Variants in ATM observed in about 807,000 individuals in gnomAD.
ATM encodes serine-protein kinase ATM.
A neutral mutation model predicts 387.0 loss-of-function variants in ATM; 308 were observed. The ratio of observed to expected loss-of-function variants is 0.80; its 90% confidence interval spans 0.73 to 0.87. The LOEUF is 0.87. ATM is among the 40% of genes least tolerant of loss of function. The pLI is 0.00. For missense variants in ATM, 3,312 were observed against 3,560.9 expected (o/e 0.93, Z 1.78); for synonymous variants, 1,156 against 1,187.3 (o/e 0.97, Z 0.54).
intron 37 of ATM, among the ~76,000 whole-genome samples, chr11:108,306,050 CT>C (rs2083673726): frequency 6.6e-6 from 1 of 152,182 alleles, no homozygotes; most frequent in African/African-American, 2.4e-5. Context: ...GTTGTGATTA[CT>C]CAGTTCTTCC....
chr11:108,267,760 A>G (rs918232389), intron 17 of ATM, among the ~76,000 whole-genome samples: 3 of 152,268 alleles, frequency 2.0e-5, no homozygotes, highest in South Asian at 2.1e-4. Context: ...GGGAGGCTGA[A>G]GCAGGAGAAC....
chr11:108,358,798 C>T (rs1461199752), intron 61 of ATM, among the ~76,000 whole-genome samples: 1 of 149,104 alleles, frequency 6.7e-6, no homozygotes, highest in Non-Finnish European at 1.5e-5. Flanking sequence ...GAAGGAAGCA[C>T]TAAACATGGA....
intron 61 of ATM, among the ~76,000 whole-genome samples, chr11:108,364,410 T>C (rs2091118231): frequency 6.6e-6 from 1 of 152,176 alleles, no homozygotes. Flanking sequence ...CTTTCTAAAA[T>C]TTACGACCTA....
At chr11:108,332,972 A>C (rs2086444202) in intron 53 of ATM, 72 bp downstream of exon 53, 2 of 1,530,158 alleles carry the variant, frequency 1.3e-6, no homozygotes, top group Non-Finnish European at 1.8e-6. Flanking sequence ...TTAGTTATAG[A>C]GCCTAATAAG....
At chr11:108,331,126 A>C (rs1391315549) in intron 50 of ATM, 20 of 1,049,746 alleles carry the variant, frequency 1.9e-5, no homozygotes, top group Non-Finnish European at 2.3e-5. Context: ...ACTTCTCAGG[A>C]ATCAAGATCA....
Position 108,326,096 on chromosome 11 carries a change from T to C in ATM, c.6846T>C (p.Asn2282=), listed in dbSNP as rs541718119. ...ERAIFQIKQY[N]SVSCGVSEWQ... ...CAATATTTCAAATTAAACAGTACAA[T>C]TCAGTTAGCTGTGGAGTCTCTGAGT... The change falls in exon 47 of 63, where the codon AAT becomes AAC. Residue 2282 remains asparagine (N), a synonymous_variant. Transcript: ENST00000675843. 2 of 1,614,130 alleles carry C rather than the reference T, an allele frequency of 1.2e-6. No homozygotes were observed. Among genetic ancestry groups the C allele is most frequent in the Admixed American group, 1.7e-5 (1 of 60,028 alleles).
rs768430443 is a variant in ATM, at chr11:108,257,512, C to G, written c.2282C>G (p.Thr761Ser). The G allele has an allele frequency of 1.9e-6, 3 of 1,613,562 alleles. No homozygotes were observed. In the South Asian group the frequency reaches 3.3e-5, roughly 18 times the overall value. ...SLMQCAGESI[T>S]LFKNKTNEEF... Reference sequence around the variant, plus strand: ...ATGCAATGTGCAGGAGAAAGTATCACTCTGTTTAAAAATAAGACAAATGAG... The same window carrying G: ...ATGCAATGTGCAGGAGAAAGTATCAGTCTGTTTAAAAATAAGACAAATGAG... Residue 761 changes from threonine (T) to serine (S), a missense_variant, in exon 15 of 63, where the codon ACT (threonine) becomes AGT (serine). Thr to Ser is a moderately conservative substitution (Grantham distance 58). Transcript: ENST00000675843.
At chr11:108,267,488 T>A (rs1453200318) in intron 17 of ATM, 146 bp downstream of exon 17, 1 of 469,818 alleles carries the variant, frequency 2.1e-6, no homozygotes, top group Non-Finnish European at 3.6e-6. Context: ...ATATACTTTA[T>A]TTTTTTTTTA....
chr11:108,289,732 G>A lies in ATM; in HGVS notation c.4367G>A (p.Gly1456Asp), dbSNP rs894398811. The A allele has an allele frequency of 6.2e-7, 1 of 1,613,724 alleles. No homozygotes were observed. Among genetic ancestry groups the A allele is most frequent in the Non-Finnish European group, 8.5e-7 (1 of 1,179,974 alleles). ...VSLLLKDIKS[G>D]LGGAWAFVLR... ...TTATTACTGAAAGATATAAAAAGTG[G>A]CTTAGGAGGAGCTTGGGCCTTTGTT... Residue 1456 changes from glycine to aspartate, a missense_variant, in exon 29 of 63, where the codon GGC (glycine) becomes GAC (aspartate). Coordinates refer to ENST00000675843, the MANE Select transcript of ATM (RefSeq NM_000051.4).
At chr11:108,236,101 A>G (rs1380988024) in intron 5 of ATM, 3 of 461,618 alleles carry the variant, frequency 6.5e-6, no homozygotes, top group Non-Finnish European at 1.2e-5. Flanking sequence ...AGGAGTTGAC[A>G]GTGGCAGAAG....
chr11:108,289,689 T>C lies in ATM; in HGVS notation c.4324T>C (p.Tyr1442His), dbSNP rs201666889. 3.9e-4 allele frequency: 631 copies of C among 1,613,474 alleles called. No homozygotes were observed. The highest frequency in any genetic ancestry group is 5.1e-4 in the Non-Finnish European group (599 of 1,179,848). Residue 1442 changes from tyrosine to histidine, a missense_variant, in exon 29 of 63, where the codon TAT (tyrosine) becomes CAT (histidine). This residue lies in a region of ATM where 1,791 missense variants were observed against 1,804.5 expected (regional missense o/e 0.99). Transcript: ENST00000675843. ...TAAGAAGCACAGAATTCTTAAAATA[T>C]ATCACCTGTTTGTTAGTTTATTACT... ...VYKKHRILKI[Y>H]HLFVSLLLKD...
intron 56 of ATM, among the ~76,000 whole-genome samples, chr11:108,338,124 G>A (rs891567445): frequency 6.6e-6 from 1 of 152,260 alleles, no homozygotes; most frequent in East Asian, 1.9e-4. Flanking sequence ...CGAGGTGGGC[G>A]GATCACTTGA....
intron 59 of ATM, among the ~76,000 whole-genome samples, chr11:108,352,751 A>G (rs1380981361): frequency 6.6e-6 from 1 of 152,236 alleles, no homozygotes; most frequent in African/African-American, 2.4e-5. Context: ...AACTATTGAT[A>G]TACATAACAA....
At position 108,337,527 on chromosome 11, in the gene ATM, A is replaced by G. The variant is rs369939793; in HGVS notation, c.8268+1566A>G. 4.5e-4 allele frequency among the ~76,000 whole-genome samples: 69 copies of G among 152,334 alleles called. 1 individual carries two copies. Among genetic ancestry groups the G allele is most frequent in the African/African-American group, 1.5e-3 (63 of 41,574 alleles). On this transcript the variant is annotated intron_variant, in intron 56 of 62. Coordinates refer to ENST00000675843, the MANE Select transcript of ATM (RefSeq NM_000051.4). Reference sequence around the variant, plus strand: ...CCATTCTTAGAATTTCTAATTCAGCAAGATTAGGGTAGAACCTGTGAATGT... The same window carrying G: ...CCATTCTTAGAATTTCTAATTCAGCGAGATTAGGGTAGAACCTGTGAATGT...
At position 108,276,603 on chromosome 11, in the gene ATM, T is replaced by A. The variant is rs115477900; in HGVS notation, c.3285-2888T>A. On this transcript the variant is annotated intron_variant, in intron 22 of 62. Transcript: ENST00000675843. ...ATTCCTTTTTGTTTGTTAGTTTTCC[T>A]TTTTACAGTCAGGCCCCTCTGCTGC... is the stretch of plus-strand genomic sequence containing the variant. Among the ~76,000 whole-genome samples the A allele has an allele frequency of 7.6e-3, 1,153 of 152,336 alleles. 9 individuals are homozygous for A. The highest frequency in any genetic ancestry group is 0.025 in the African/African-American group (1,025 of 41,576).
chr11:108,303,327 G>A (rs1243861577), intron 36 of ATM, among the ~76,000 whole-genome samples: 6 of 152,056 alleles, frequency 3.9e-5, no homozygotes, highest in African/African-American at 4.8e-5. Flanking sequence ...CTTTGTTTAC[G>A]TCTTCTGATA....
At position 108,353,862 on chromosome 11, in the gene ATM, T is replaced by A. The variant is rs786203055; in HGVS notation, c.8768T>A (p.Val2923Asp). 3 of 1,613,438 alleles carry A rather than the reference T, an allele frequency of 1.9e-6. No homozygotes were observed. Among genetic ancestry groups the A allele is most frequent in the Non-Finnish European group, 2.5e-6 (3 of 1,179,446 alleles). ...DIVDGMGITG[V>D]EGVFRRCCEK... ...GTGGATGGCATGGGCATTACGGGTG[T>A]TGAAGGTGTCTTCAGAAGGTAAGTG... Residue 2923 changes from valine to aspartate, a missense_variant, in exon 60 of 63, where the codon GTT (valine) becomes GAT (aspartate). Physicochemically the swap from Val to Asp is radical, Grantham distance 152 (BLOSUM62 -3). Around this residue, in one of 4 missense-constraint regions of ATM, gnomAD observed 1,405 missense variants for 1,604.4 expected, o/e 0.88. Coordinates refer to ENST00000675843, the MANE Select transcript of ATM (RefSeq NM_000051.4).
intron 14 of ATM, 130 bp from the exon 15 acceptor site, chr11:108,257,351 T>A (rs1341670495): frequency 8.6e-7 from 1 of 1,164,690 alleles, no homozygotes; most frequent in Non-Finnish European, 1.2e-6. Flanking sequence ...TCTAAAAACA[T>A]TTCATTTTTT....
chr11:108,316,626 T>C (rs574694931), intron 42 of ATM, among the ~76,000 whole-genome samples: 280 of 152,086 alleles, frequency 1.8e-3, no homozygotes, highest in Non-Finnish European at 2.9e-3. Flanking sequence ...AAAAATGTTT[T>C]TGGCCAGGCG....
Sources: gnomAD v4.1 joint callset for allele counts (sites outside exome capture counted in the v4.1 genomes callset) on GRCh38, gnomAD v4.1.1 for gene constraint, gnomAD v4.1.1 regional missense constraint, MANE v1.5 for transcripts, NCBI Gene and HGNC (gene_info 2026-07-23, HGNC 2026-07-21) for gene names.